Variants in MACROD1 observed in about 807,000 individuals in gnomAD.
The protein encoded by MACROD1 is ADP-ribose glycohydrolase MACROD1.
In MACROD1, 31 loss-of-function variants were observed where a neutral mutation model predicts 41.4. The ratio of observed to expected loss-of-function variants is 0.75; its 90% CI spans 0.56 to 1.01. The LOEUF (loss-of-function observed/expected upper bound fraction) is 1.01. Among genes scored for constraint, MACROD1 ranks in the 50% least tolerant of loss-of-function variants. The pLI is 0.00. For missense variants in MACROD1, 473 were observed against 460.0 expected, an observed-to-expected ratio of 1.03 and a Z score of -0.26; for synonymous variants, 252 against 203.4, an observed-to-expected ratio of 1.24 and a Z score of -2.03.
At position 64,010,653 on chromosome 11, in the gene MACROD1, T is replaced by C. The variant is rs1156866331; in HGVS notation, c.547+4599A>G. 2.0e-5 allele frequency among the ~76,000 whole-genome samples: 3 copies of C among 147,218 alleles called. No homozygotes were observed. The East Asian group carries it at 6.1e-4, about 30-fold the overall frequency. On this transcript the variant is annotated intron_variant, in intron 4 of 10. Coordinates refer to ENST00000255681, the MANE Select transcript of MACROD1 (RefSeq NM_014067.4). ...TTGGTTGGAGTGTTGTTTGGGGTGTTAGTTGGGGTGCTGGCTGGTGTGTTG... is the reference window on the plus strand; with the variant it reads ...TTGGTTGGAGTGTTGTTTGGGGTGTCAGTTGGGGTGCTGGCTGGTGTGTTG...
intron 3 of MACROD1, among the ~76,000 whole-genome samples, chr11:64,098,697 A>C (rs1284128132): frequency 6.6e-6 from 1 of 152,170 alleles, no homozygotes; most frequent in East Asian, 1.9e-4. Context: ...AATGAAAGAA[A>C]ATCCTGGGTC....
chr11:64,101,435 C>T (rs1216915011), intron 3 of MACROD1, among the ~76,000 whole-genome samples: 1 of 152,130 alleles, frequency 6.6e-6, no homozygotes, highest in Non-Finnish European at 1.5e-5. Context: ...TGGTTTCTCT[C>T]TTTATCGGGA....
chr11:64,009,519 C>T (rs1446436029), intron 4 of MACROD1, among the ~76,000 whole-genome samples: 2 of 152,248 alleles, frequency 1.3e-5, no homozygotes, highest in Non-Finnish European at 1.5e-5. Flanking sequence ...CAGAGCCAAG[C>T]CCTGAGTCCC....
chr11:64,064,501 A>G lies in MACROD1; in HGVS notation c.518-49220T>C, dbSNP rs1199725136. On this transcript the variant is annotated intron_variant, in intron 3 of 10. Coordinates refer to ENST00000255681, the MANE Select transcript of MACROD1 (RefSeq NM_014067.4). This position sits in a 1 kb window ranked among gnomAD's most constrained non-coding sequence, Gnocchi z 4.5. The stretch of plus-strand genomic sequence containing the variant: ...GGCCTCAGGCCTGCCCCGGATGGGC[A>G]CGCAGGCAGGGTGCATATGTACGTA... Among the ~76,000 whole-genome samples the G allele has an allele frequency of 6.6e-6, 1 of 152,126 alleles. No individual in the cohort carries two copies. Among genetic ancestry groups the G allele is most frequent in the Non-Finnish European group, 1.5e-5 (1 of 67,984 alleles).
chr11:64,016,591 C>A (rs749872085), intron 3 of MACROD1, among the ~76,000 whole-genome samples: 9 of 152,388 alleles, frequency 5.9e-5, no homozygotes, highest in East Asian at 1.9e-4. Context: ...TGGTGTCGGG[C>A]GGCTCCGAGT....
intron 4 of MACROD1, chr11:64,001,777 C>T (rs1274705601): frequency 1.6e-5 from 11 of 701,750 alleles, no homozygotes; most frequent in Middle Eastern, 2.4e-4. Context: ...GGGCCCAGAG[C>T]GGGCGTCCAG....
chr11:64,150,155 C>T (rs1158409801), intron 3 of MACROD1, among the ~76,000 whole-genome samples: 1 of 152,276 alleles, frequency 6.6e-6, no homozygotes, highest in Non-Finnish European at 1.5e-5. Context: ...AAACACAACT[C>T]AGACCCCACG....
At chr11:64,013,733 T>C (rs1264125315) in intron 4 of MACROD1, among the ~76,000 whole-genome samples, 1 of 152,198 alleles carries the variant, frequency 6.6e-6, no homozygotes, top group African/African-American at 2.4e-5. Flanking sequence ...TCTGGGATCC[T>C]GGGCCATCTC....
At chr11:64,095,308 A>G in intron 3 of MACROD1, among the ~76,000 whole-genome samples, 1 of 152,194 alleles carries the variant, frequency 6.6e-6, no homozygotes, top group East Asian at 1.9e-4. Flanking sequence ...TCAATTAACA[A>G]CAAGAAAAGG....
intron 4 of MACROD1, 92 bp from the exon 5 acceptor site, chr11:64,000,435 G>A (rs929307849): frequency 2.4e-6 from 2 of 816,520 alleles, no homozygotes; most frequent in Non-Finnish European, 1.8e-6. Context: ...TCGGCGATGC[G>A]AGGACCCATG....
chr11:64,116,228 C>G (rs1944976737), intron 3 of MACROD1: 10 of 1,567,858 alleles, frequency 6.4e-6, no homozygotes, highest in Non-Finnish European at 8.6e-6. Context: ...GGTATTCAGG[C>G]TCCAGGCCAG....
intron 3 of MACROD1, chr11:64,118,283 C>T (rs1422770947): frequency 1.3e-6 from 2 of 1,568,092 alleles, no homozygotes; most frequent in African/African-American, 2.7e-5. Context: ...TAGACTACTC[C>T]TACACATGAT....
chr11:64,036,209 G>A lies in MACROD1; in HGVS notation c.518-20928C>T, dbSNP rs1277687585. ...GGTCGGGGTCCGCGCGTCTGGGACA[G>A]GGCGCCAGAGCCGACGGGGCGGGGG... is the stretch of plus-strand genomic sequence containing the variant. On this transcript the variant is annotated intron_variant, in intron 3 of 10. Transcript: ENST00000255681. This position sits in a 1 kb window ranked among gnomAD's most constrained non-coding sequence, Gnocchi z 5.6. The A allele has an allele frequency of 6.6e-6, 1 of 152,182 alleles. No individual in the cohort carries two copies. The highest frequency in any genetic ancestry group is 2.4e-5 in the African/African-American group (1 of 41,444). 9.4% of individuals were successfully genotyped at this position (152,182 alleles called of 1,614,324 possible). A position where few individuals can be genotyped will look rare whatever the true frequency, so the allele number is the denominator to read the frequency against.
At chr11:64,072,765 T>C (rs1291884675) in intron 3 of MACROD1, among the ~76,000 whole-genome samples, 1 of 152,236 alleles carries the variant, frequency 6.6e-6, no homozygotes. Flanking sequence ...TTTTGGAATC[T>C]GGGGTTGATC....
At chr11:64,106,561 C>CCTGCAGGCCCTT (rs1294251722) in intron 3 of MACROD1, among the ~76,000 whole-genome samples, 3 of 152,186 alleles carry the variant, frequency 2.0e-5, no homozygotes, top group African/African-American at 4.8e-5. Flanking sequence ...CTGCCTCCTG[C>CCTGCAGGCCCTT]CTTGTCAGGG....
intron 1 of MACROD1, among the ~76,000 whole-genome samples, chr11:64,159,388 CAA>C (rs1945718914): frequency 6.6e-6 from 1 of 150,992 alleles, no homozygotes; most frequent in Non-Finnish European, 1.5e-5. Flanking sequence ...CCCAGCTACT[CAA>C]GAGGCTGAGG....
chr11:64,015,346 AG>A, intron 3 of MACROD1, 65 bp from the exon 4 acceptor site: 1 of 1,485,934 alleles, frequency 6.7e-7, no homozygotes, highest in South Asian at 1.3e-5. Flanking sequence ...ATCAGCCTTG[AG>A]GGGAGGGTGA....
intron 3 of MACROD1, among the ~76,000 whole-genome samples, chr11:64,130,421 G>A (rs548612786): frequency 6.6e-6 from 1 of 152,294 alleles, no homozygotes; most frequent in Admixed American, 6.5e-5. Flanking sequence ...GGTTCTGGAA[G>A]CTTCCCTTCT....
chr11:64,123,186 C>T (rs890201717), intron 3 of MACROD1, among the ~76,000 whole-genome samples: 6 of 152,224 alleles, frequency 3.9e-5, no homozygotes, highest in Admixed American at 1.3e-4. Flanking sequence ...AGGGCCAGGA[C>T]GCAGCCAGGG....
Sources: gnomAD v4.1 joint callset for allele counts (sites outside exome capture counted in the v4.1 genomes callset) on GRCh38, gnomAD v4.1.1 for gene constraint, Gnocchi (gnomAD v3.1) non-coding constraint, MANE v1.5 for transcripts, NCBI Gene and HGNC (gene_info 2026-07-23, HGNC 2026-07-21) for gene names.